Variants in ZNF107 observed in about 807,000 individuals in gnomAD.
ZNF107 encodes C2H2 type zinc-finger protein.
ZNF107 carries 19 observed loss-of-function variants against 12.3 expected under a neutral mutation model. The observed-to-expected ratio is 1.55, with a 90% CI of 1.08 to 2.27. The LOEUF (loss-of-function observed/expected upper bound fraction) is 2.27. Ranked by LOEUF, ZNF107 falls within the 30% of genes most tolerant of loss-of-function variation. The pLI is 0.00. For missense variants in ZNF107, 958 were observed against 979.9 expected (o/e 0.98, Z 0.30); for synonymous variants, 317 against 330.5 (o/e 0.96, Z 0.44).
chr7:64,684,933 C>G (rs1476178819), intron 1 of ZNF107, among the ~76,000 whole-genome samples: 2 of 152,146 alleles, frequency 1.3e-5, no homozygotes, highest in Non-Finnish European at 2.9e-5. Context: ...GCAAAGGACG[C>G]TGGCTTTGCA....
intron 1 of ZNF107, among the ~76,000 whole-genome samples, chr7:64,678,465 G>A (rs1032068791): frequency 3.3e-5 from 5 of 152,190 alleles, no homozygotes; most frequent in African/African-American, 1.2e-4. Flanking sequence ...ATAGTTAGGT[G>A]TAGCATTTGT....
chr7:64,707,487 C>A lies in ZNF107; in HGVS notation c.1390C>A (p.Gln464Lys), dbSNP rs925383911. The A allele has an allele frequency of 6.2e-7, 1 of 1,613,242 alleles. No homozygotes were observed. Among genetic ancestry groups the A allele is most frequent in the Non-Finnish European group, 8.5e-7 (1 of 1,179,636 alleles). ...TGAAGAATGTGGCAAAGCTTTTAACCAACACTCAAACCTAATTAACCATAG... is the reference window on the plus strand; with the variant it reads ...TGAAGAATGTGGCAAAGCTTTTAACAAACACTCAAACCTAATTAACCATAG... Reference protein sequence around the residue: ...KCEECGKAFNQHSNLINHRKI... With the variant: ...KCEECGKAFNKHSNLINHRKI... Residue 464 changes from glutamine (Q) to lysine (K), a missense_variant, in exon 4 of 4, where the codon CAA becomes AAA. By Grantham distance (53) the Gln-to-Lys change is moderately conservative. Coordinates refer to ENST00000620827, the MANE Select transcript of ZNF107 (RefSeq NM_001282359.2).
At chr7:64,687,040 G>C in intron 1 of ZNF107, 1 of 985,410 alleles carries the variant, frequency 1.0e-6, no homozygotes, top group South Asian at 4.7e-5. Flanking sequence ...GTGTTTTAGG[G>C]GAAGTTTTTC....
At chr7:64,686,272 G>T (rs1485693926) in intron 1 of ZNF107, among the ~76,000 whole-genome samples, 2 of 152,078 alleles carry the variant, frequency 1.3e-5, no homozygotes, top group African/African-American at 2.4e-5. Flanking sequence ...TTTGGAGCTG[G>T]GCGTTGTGGC....
At chr7:64,674,529 A>G (rs1007319123) in intron 1 of ZNF107, among the ~76,000 whole-genome samples, 4 of 152,150 alleles carry the variant, frequency 2.6e-5, no homozygotes, top group African/African-American at 9.7e-5. Context: ...AGGCTTTTCT[A>G]GATATGTTGT....
chr7:64,696,068 T>TG (rs1245983453), intron 3 of ZNF107, among the ~76,000 whole-genome samples: 2 of 143,098 alleles, frequency 1.4e-5, no homozygotes, highest in African/African-American at 2.5e-5. Flanking sequence ...CTCTCTACAA[T>TG]TTTTTTTTTT....
intron 1 of ZNF107, among the ~76,000 whole-genome samples, chr7:64,684,292 A>G (rs754657857): frequency 6.6e-5 from 10 of 152,120 alleles, no homozygotes; most frequent in Non-Finnish European, 8.8e-5. Flanking sequence ...ACAGGCTAGG[A>G]ATGAAATCTG....
At chr7:64,694,253 CCT>C (rs576278304) in intron 3 of ZNF107, among the ~76,000 whole-genome samples, 93 of 152,358 alleles carry the variant, frequency 6.1e-4, no homozygotes, top group Non-Finnish European at 1.1e-3. Flanking sequence ...AAAGACAGGA[CCT>C]CTCGCAGACT....
chr7:64,702,559 A>G (rs770952116), intron 3 of ZNF107, among the ~76,000 whole-genome samples: 1 of 151,428 alleles, frequency 6.6e-6, no homozygotes, highest in African/African-American at 2.4e-5. Flanking sequence ...TTCATTTTTC[A>G]TGTACTTTTT....
At chr7:64,668,997 ATTTTTTTTTTTTTTTTTTTTTT>A (rs55942111) in intron 1 of ZNF107, 4 of 57,596 alleles carry the variant, frequency 6.9e-5, no homozygotes, top group Non-Finnish European at 1.2e-4. Context: ...GATAACGCTA[ATTTTTTTTTTTTTTTTTTTTTT>A]TTTTTTTTTT....
intron 1 of ZNF107, among the ~76,000 whole-genome samples, chr7:64,688,303 C>T (rs542827090): frequency 6.9e-6 from 1 of 145,852 alleles, no homozygotes; most frequent in Non-Finnish European, 1.5e-5. Context: ...GTTGCCCAGG[C>T]TGGAGTGCAG....
At position 64,708,277 on chromosome 7, in the gene ZNF107, A is replaced by G; in HGVS notation, c.2180A>G (p.His727Arg). 2.5e-6 allele frequency: 4 copies of G among 1,613,668 alleles called. No homozygotes were observed. Among genetic ancestry groups the G allele is most frequent in the Non-Finnish European group, 3.4e-6 (4 of 1,179,816 alleles). Residue 727 changes from histidine to arginine, a missense_variant, in exon 4 of 4, where the codon CAT (histidine) becomes CGT (arginine). Transcript: ENST00000620827. ...ACCCTTAATAGACATAAGATAATTCATACTGGAGAGAAACCTTACAAATGT... is the reference window on the plus strand; with the variant it reads ...ACCCTTAATAGACATAAGATAATTCGTACTGGAGAGAAACCTTACAAATGT... Reference protein sequence around the residue: ...SSTLNRHKIIHTGEKPYKCKE... With the variant: ...SSTLNRHKIIRTGEKPYKCKE...
chr7:64,666,734 C>A (rs1584456498), intron 1 of ZNF107, among the ~76,000 whole-genome samples: 1 of 152,046 alleles, frequency 6.6e-6, no homozygotes, highest in Admixed American at 6.6e-5. Context: ...GAAGTCACCA[C>A]AAAAATGTTA....
intron 3 of ZNF107, among the ~76,000 whole-genome samples, chr7:64,700,409 C>G (rs552097611): frequency 2.3e-4 from 35 of 151,782 alleles, no homozygotes; most frequent in Non-Finnish European, 3.5e-4. Flanking sequence ...TCTTTGCCTT[C>G]CACCATGATC....
Position 64,709,633 on chromosome 7 carries a change from AACACT to A in ZNF107, c.*978_*982del, listed in dbSNP as rs1790818418. 1 of 443,982 alleles carries A rather than the reference AACACT, an allele frequency of 2.3e-6. No homozygotes were observed. Among genetic ancestry groups the A allele is most frequent in the Admixed American group, 2.6e-5 (1 of 38,350 alleles). 27.5% of individuals were successfully genotyped at this position (443,982 alleles called of 1,614,324 possible). ...CTCCTGGAAGTGTAAAAAATGTGGC[AACACT>A]TTTAATAAATGCTCACCCCTTATTG... On this transcript the variant is annotated 3_prime_UTR_variant, in exon 4 of 4. Coordinates refer to ENST00000620827, the MANE Select transcript of ZNF107 (RefSeq NM_001282359.2).
intron 1 of ZNF107, among the ~76,000 whole-genome samples, chr7:64,670,300 A>G (rs1373242574): frequency 6.6e-6 from 1 of 152,100 alleles, no homozygotes; most frequent in Non-Finnish European, 1.5e-5. Context: ...AGGGAGGAGC[A>G]AAGAAGGTTA....
intron 3 of ZNF107, among the ~76,000 whole-genome samples, chr7:64,696,351 A>G (rs1259865758): frequency 3.3e-5 from 5 of 150,944 alleles, no homozygotes; most frequent in South Asian, 2.1e-4. Context: ...TCCAGCCTAC[A>G]GTTTTTTTAA....
chr7:64,669,670 C>G (rs1040119121), intron 1 of ZNF107, among the ~76,000 whole-genome samples: 11 of 152,036 alleles, frequency 7.2e-5, no homozygotes, highest in African/African-American at 2.7e-4. Flanking sequence ...CACCTGTAGT[C>G]TTAGCTACTC....
chr7:64,694,821 C>T (rs1030311233), intron 3 of ZNF107, among the ~76,000 whole-genome samples: 16 of 152,012 alleles, frequency 1.1e-4, no homozygotes, highest in Admixed American at 2.6e-4. Context: ...TTGTCTATAA[C>T]TTCAGATTCA....
Sources: allele counts gnomAD v4.1 joint callset (sites outside exome capture counted in the v4.1 genomes callset), GRCh38; gene constraint gnomAD v4.1.1; transcripts MANE v1.5; gene names NCBI Gene and HGNC (gene_info 2026-07-23, HGNC 2026-07-21).